Variants in SEZ6L observed in about 807,000 individuals in gnomAD.
SEZ6L encodes the protein seizure 6-like protein.
SEZ6L carries 37 observed loss-of-function variants against 106.2 expected under a neutral mutation model. The observed-to-expected ratio is 0.35, with a 90% CI of 0.27 to 0.46. The LOEUF is 0.46. SEZ6L is among the 20% of genes least tolerant of loss of function. The pLI, the probability that SEZ6L is intolerant of heterozygous loss-of-function variation, is 1.00. For missense variants in SEZ6L, 1,172 were observed against 1,332.8 expected (o/e 0.88, Z 1.88); for synonymous variants, 541 against 570.4 (o/e 0.95, Z 0.73).
chr22:26,314,809 C>T (rs1424764988), intron 9 of SEZ6L, among the ~76,000 whole-genome samples: 1 of 152,298 alleles, frequency 6.6e-6, no homozygotes, highest in East Asian at 1.9e-4. Context: ...AGAACCCCCC[C>T]TGGGAGGTCA....
At chr22:26,201,382 C>CAAAAAAAAAAAAA (rs71192905) in intron 1 of SEZ6L, among the ~76,000 whole-genome samples, 3 of 75,316 alleles carry the variant, frequency 4.0e-5, no homozygotes, top group South Asian at 5.8e-4. Context: ...TACAAAAATA[C>CAAAAAAAAAAAAA]AAAAAAAAAA....
At chr22:26,371,678 A>AG (rs2084041940) in intron 13 of SEZ6L, among the ~76,000 whole-genome samples, 2 of 151,508 alleles carry the variant, frequency 1.3e-5, no homozygotes, top group African/African-American at 4.8e-5. Context: ...GGAAAAAAAA[A>AG]ACACGAAAAG....
intron 1 of SEZ6L, among the ~76,000 whole-genome samples, chr22:26,256,937 C>G (rs1394573787): frequency 1.3e-5 from 2 of 152,176 alleles, no homozygotes; most frequent in East Asian, 3.9e-4. Context: ...AGATTCAAAG[C>G]AGGACCAAGT....
At chr22:26,194,278 C>T (rs1245002842) in intron 1 of SEZ6L, among the ~76,000 whole-genome samples, 1 of 152,174 alleles carries the variant, frequency 6.6e-6, no homozygotes, top group Non-Finnish European at 1.5e-5. Context: ...CAAGATAGCA[C>T]ATTCTGTTGT....
At chr22:26,379,642 AC>A (rs61114384) in intron 16 of SEZ6L, among the ~76,000 whole-genome samples, 107,655 of 152,094 alleles carry the variant, frequency 0.71, 38,519 homozygotes, top group East Asian at 0.98. Context: ...AAATCAAACT[AC>A]CCCCCATGTT....
chr22:26,177,427 C>G (rs370538044), intron 1 of SEZ6L, among the ~76,000 whole-genome samples: 3 of 152,358 alleles, frequency 2.0e-5, no homozygotes, highest in South Asian at 4.1e-4. Context: ...CTAAAGCCAT[C>G]TTTCTTTCCA....
chr22:26,367,098 A>G (rs1168789626), intron 13 of SEZ6L, among the ~76,000 whole-genome samples: 2 of 152,170 alleles, frequency 1.3e-5, no homozygotes, highest in African/African-American at 4.8e-5. Flanking sequence ...AGAATTCTGT[A>G]GGAACGTCCA....
At position 26,381,154 on chromosome 22, in the gene SEZ6L, T is replaced by G. The variant is rs2084399648; in HGVS notation, c.*859T>G. ...GATCACCATGTTCAGCAAGCCACTC[T>G]CAAGCTGTGGTAATAAACACACAGG... On this transcript the variant is annotated 3_prime_UTR_variant, in exon 17 of 17. Transcript: ENST00000248933. 1 of 152,126 alleles carries G rather than the reference T, an allele frequency of 6.6e-6. No individual in the cohort carries two copies. Among genetic ancestry groups the G allele is most frequent in the South Asian group, 2.1e-4 (1 of 4,818 alleles). The allele number at this position is 152,126 out of a possible 1,614,324, so 9.4% of individuals were successfully genotyped here. A position where few individuals can be genotyped will look rare whatever the true frequency, so the allele number is the denominator to read the frequency against.
chr22:26,357,684 C>G (rs1170887144), intron 12 of SEZ6L, among the ~76,000 whole-genome samples: 1 of 152,176 alleles, frequency 6.6e-6, no homozygotes, highest in Non-Finnish European at 1.5e-5. Flanking sequence ...AGGATTGTCT[C>G]CAGTTGATCC....
At chr22:26,222,325 C>T (rs2145726576) in intron 1 of SEZ6L, among the ~76,000 whole-genome samples, 1 of 152,278 alleles carries the variant, frequency 6.6e-6, no homozygotes, top group Admixed American at 6.5e-5. Context: ...AAGTGAGGCA[C>T]AGAGAGGTTA....
intron 10 of SEZ6L, among the ~76,000 whole-genome samples, chr22:26,343,702 C>G (rs1181801345): frequency 6.6e-6 from 1 of 152,140 alleles, no homozygotes; most frequent in Non-Finnish European, 1.5e-5. Context: ...CAAGCTGATG[C>G]TGTGGGAGAG....
chr22:26,288,505 A>C (rs533327460), intron 1 of SEZ6L, among the ~76,000 whole-genome samples: 1 of 152,328 alleles, frequency 6.6e-6, no homozygotes, highest in East Asian at 1.9e-4. Flanking sequence ...AGTGACATCA[A>C]TACCCCATAT....
chr22:26,209,411 T>C (rs1941481092), intron 1 of SEZ6L, among the ~76,000 whole-genome samples: 1 of 152,188 alleles, frequency 6.6e-6, no homozygotes, highest in Admixed American at 6.5e-5. Flanking sequence ...GCAATTGATT[T>C]AGTTGGGCTC....
At chr22:26,343,582 T>C (rs1412470961) in intron 10 of SEZ6L, among the ~76,000 whole-genome samples, 1 of 152,186 alleles carries the variant, frequency 6.6e-6, no homozygotes, top group Non-Finnish European at 1.5e-5. Context: ...ACCTCCTATA[T>C]GCTAGGCTCT....
At chr22:26,362,953 A>G (rs2146051023) in intron 12 of SEZ6L, among the ~76,000 whole-genome samples, 1 of 152,344 alleles carries the variant, frequency 6.6e-6, no homozygotes, top group Middle Eastern at 3.4e-3. Flanking sequence ...AAACATACTC[A>G]TCAATTGATT....
At chr22:26,190,071 T>C (rs1940088062) in intron 1 of SEZ6L, among the ~76,000 whole-genome samples, 1 of 148,946 alleles carries the variant, frequency 6.7e-6, no homozygotes, top group African/African-American at 2.5e-5. Context: ...CACTCCAGCC[T>C]GGGCGACAGA....
At chr22:26,174,292 C>A (rs1395737961) in intron 1 of SEZ6L, among the ~76,000 whole-genome samples, 1 of 152,058 alleles carries the variant, frequency 6.6e-6, no homozygotes, top group Non-Finnish European at 1.5e-5. Flanking sequence ...GGAGAAATTT[C>A]TACAGTAGGA....
rs2083066894 is a variant in SEZ6L, at chr22:26,347,987, T to TAA, written c.2407+74_2407+75insAA. On this transcript the variant is annotated intron_variant, in intron 11 of 16. Coordinates refer to ENST00000248933, the MANE Select transcript of SEZ6L (RefSeq NM_021115.5). ...CTTCTAGGGATCTTTTTTTGGTGGG[T>TAA]GCAGTGGAGCTGTTTAATGTAGAAT... 2.4e-6 allele frequency: 3 copies of TAA among 1,238,688 alleles called. No individual in the cohort carries two copies. The African/African-American group carries it at 4.7e-5, about 19-fold the overall frequency. The allele number at this position is 1,238,688 out of a possible 1,614,324, so 76.7% of individuals were successfully genotyped here.
At chr22:26,356,396 C>A (rs549112629) in intron 12 of SEZ6L, among the ~76,000 whole-genome samples, 17 of 152,064 alleles carry the variant, frequency 1.1e-4, no homozygotes, top group African/African-American at 2.4e-4. Flanking sequence ...AATCCTAGCA[C>A]TTTGGGAGGC....
Sources: gnomAD v4.1 joint callset for allele counts (sites outside exome capture counted in the v4.1 genomes callset) on GRCh38, gnomAD v4.1.1 for gene constraint, MANE v1.5 for transcripts, NCBI Gene and HGNC (gene_info 2026-07-23, HGNC 2026-07-21) for gene names.